The following NKAIN2 variants were observed in gnomAD, a reference collection of about 807,000 sequenced individuals.
NKAIN2 encodes the protein sodium/potassium-transporting ATPase subunit beta-1-interacting protein 2.
Under a neutral mutation model 32.6 loss-of-function variants are expected in NKAIN2, and 14 were observed. That is an observed-to-expected ratio of 0.43 (90% CI 0.28 to 0.67). The LOEUF is 0.67. Among genes scored for constraint, NKAIN2 ranks in the 30% least tolerant of loss-of-function variants. The pLI is 0.17. For synonymous variants in NKAIN2, 80 were observed against 87.2 expected (o/e 0.92, Z 0.46); for missense variants, 198 against 258.3 (o/e 0.77, Z 1.60).
At chr6:123,880,218 T>C (rs566926253) in intron 1 of NKAIN2, among the ~76,000 whole-genome samples, 1 of 152,260 alleles carries the variant, frequency 6.6e-6, no homozygotes, top group South Asian at 2.1e-4. Flanking sequence ...GGATCCCAGT[T>C]TGTTAGGTGG....
rs143314760 is a variant in NKAIN2, at chr6:124,011,890, C to G, written c.54+207636C>G. On this transcript the variant is annotated intron_variant, in intron 1 of 6. Transcript: ENST00000368417. ...GTCCTCCATGTTTTTGATCAGTTCA[C>G]TCCCATGATTATGAACATCAATGGG... 2.8e-4 allele frequency among the ~76,000 whole-genome samples: 42 copies of G among 152,242 alleles called. No homozygotes were observed. In the East Asian group the frequency reaches 7.9e-3, roughly 29 times the overall value.
At chr6:124,440,345 A>G (rs1340089953) in intron 3 of NKAIN2, among the ~76,000 whole-genome samples, 1 of 152,042 alleles carries the variant, frequency 6.6e-6, no homozygotes, top group Non-Finnish European at 1.5e-5. Flanking sequence ...GTTTAATGGG[A>G]TAGACTTAAG....
chr6:123,830,380 A>G (rs931848901), intron 1 of NKAIN2, among the ~76,000 whole-genome samples: 3 of 152,176 alleles, frequency 2.0e-5, no homozygotes, highest in African/African-American at 7.2e-5. Context: ...ACTCCTTAAC[A>G]TAATTTACAA....
chr6:124,048,103 T>C (rs952364531), intron 1 of NKAIN2, among the ~76,000 whole-genome samples: 1 of 152,050 alleles, frequency 6.6e-6, no homozygotes, highest in Non-Finnish European at 1.5e-5. Context: ...CTTGCCTTGA[T>C]GGCTTCTGGT....
At chr6:124,018,584 G>A (rs1426735343) in intron 1 of NKAIN2, among the ~76,000 whole-genome samples, 1 of 152,114 alleles carries the variant, frequency 6.6e-6, no homozygotes, top group Non-Finnish European at 1.5e-5. Flanking sequence ...CTAGGGTGGG[G>A]AGAAGAAATT....
intron 1 of NKAIN2, among the ~76,000 whole-genome samples, chr6:124,158,529 G>A (rs1028948713): frequency 6.6e-6 from 1 of 152,124 alleles, no homozygotes; most frequent in Non-Finnish European, 1.5e-5. Context: ...CTATTTTATT[G>A]TATGTTACTA....
intron 2 of NKAIN2, among the ~76,000 whole-genome samples, chr6:124,288,661 C>T (rs968309678): frequency 2.6e-5 from 4 of 152,070 alleles, no homozygotes; most frequent in Middle Eastern, 3.2e-3. Flanking sequence ...CATATGTACA[C>T]ATTCATCTAT....
At chr6:124,362,489 A>G (rs1009120294) in intron 3 of NKAIN2, among the ~76,000 whole-genome samples, 14 of 151,946 alleles carry the variant, frequency 9.2e-5, no homozygotes, top group African/African-American at 3.4e-4. Flanking sequence ...GTTTCCTTTT[A>G]CTACCCCTAA....
chr6:124,455,435 T>C lies in NKAIN2; in HGVS notation c.273+100088T>C, dbSNP rs73772119. Among the ~76,000 whole-genome samples, 1,422 of 152,100 alleles carry C rather than the reference T, an allele frequency of 9.3e-3. 17 individuals carry two copies. The highest frequency in any genetic ancestry group is 0.033 in the African/African-American group (1,357 of 41,528). On this transcript the variant is annotated intron_variant, in intron 3 of 6. Transcript: ENST00000368417. Reference sequence around the variant, plus strand: ...GGTTGATCTAGTTTTCGAAATGATATTGAGCTCTTAGAGAAAATGAATAAG... The same window carrying C: ...GGTTGATCTAGTTTTCGAAATGATACTGAGCTCTTAGAGAAAATGAATAAG...
At chr6:124,180,143 A>G (rs950079056) in intron 1 of NKAIN2, among the ~76,000 whole-genome samples, 3 of 152,078 alleles carry the variant, frequency 2.0e-5, no homozygotes, top group African/African-American at 4.8e-5. Flanking sequence ...ATCCAGATAG[A>G]TAGATAGATA....
chr6:124,452,779 T>C (rs1776160674), intron 3 of NKAIN2, among the ~76,000 whole-genome samples: 1 of 152,172 alleles, frequency 6.6e-6, no homozygotes, highest in Non-Finnish European at 1.5e-5. Flanking sequence ...TTGTTAGCCA[T>C]ATTAATGTTA....
At chr6:124,036,034 A>C (rs1170413972) in intron 1 of NKAIN2, among the ~76,000 whole-genome samples, 1 of 152,102 alleles carries the variant, frequency 6.6e-6, no homozygotes, top group Non-Finnish European at 1.5e-5. Flanking sequence ...TAAGTAATGG[A>C]TATTGTTTCT....
intron 3 of NKAIN2, among the ~76,000 whole-genome samples, chr6:124,451,815 AAGGGAAGAGAT>A (rs746355492): frequency 1.3e-5 from 2 of 152,136 alleles, no homozygotes; most frequent in Non-Finnish European, 2.9e-5. Context: ...AGAGTGCTTC[AAGGGAAGAGAT>A]GGGTTTCTTA....
chr6:124,019,502 A>G (rs994948043), intron 1 of NKAIN2, among the ~76,000 whole-genome samples: 11 of 152,154 alleles, frequency 7.2e-5, no homozygotes, highest in African/African-American at 2.7e-4. Flanking sequence ...TTTAATGTAA[A>G]TTAAGTCATG....
chr6:124,045,807 C>T (rs1782094636), intron 1 of NKAIN2, among the ~76,000 whole-genome samples: 1 of 151,964 alleles, frequency 6.6e-6, no homozygotes, highest in Admixed American at 6.6e-5. Flanking sequence ...CAATCTCTGG[C>T]CCTTTCAGTA....
intron 3 of NKAIN2, among the ~76,000 whole-genome samples, chr6:124,643,356 A>G (rs1343668382): frequency 3.3e-5 from 5 of 152,032 alleles, no homozygotes; most frequent in African/African-American, 1.2e-4. Flanking sequence ...TTATTGTTTC[A>G]CTTTACTTAA....
chr6:123,978,615 A>G (rs1778750235), intron 1 of NKAIN2, among the ~76,000 whole-genome samples: 1 of 152,172 alleles, frequency 6.6e-6, no homozygotes, highest in East Asian at 1.9e-4. Flanking sequence ...AATTAAAAAC[A>G]AAAGAATAAA....
intron 3 of NKAIN2, among the ~76,000 whole-genome samples, chr6:124,590,387 A>T (rs1192179571): frequency 6.6e-6 from 1 of 152,206 alleles, no homozygotes; most frequent in African/African-American, 2.4e-5. Context: ...AAAATTCCAC[A>T]ATCTTGCATT....
intron 1 of NKAIN2, among the ~76,000 whole-genome samples, chr6:124,133,923 C>G (rs1786601716): frequency 6.6e-6 from 1 of 151,966 alleles, no homozygotes; most frequent in African/African-American, 2.4e-5. Context: ...ATAGCCTACT[C>G]AAATGAGAAG....
Sources: allele counts gnomAD v4.1 joint callset (sites outside exome capture counted in the v4.1 genomes callset), GRCh38; gene constraint gnomAD v4.1.1; transcripts MANE v1.5; gene names NCBI Gene and HGNC (gene_info 2026-07-23, HGNC 2026-07-21).